SNED1: variants seen among roughly 807,000 people sequenced by gnomAD.
SNED1 encodes sushi, nidogen and EGF-like domain-containing protein 1.
A neutral mutation model predicts 166.7 loss-of-function variants in SNED1; 81 were observed. The observed-to-expected ratio is 0.49, with a 90% CI of 0.41 to 0.58. SNED1 has a LOEUF of 0.58. Among genes scored for constraint, SNED1 ranks in the 20% least tolerant of loss-of-function variants. The pLI, the probability that SNED1 is intolerant of heterozygous loss-of-function variation, is 0.00. For synonymous variants in SNED1, 762 were observed against 822.0 expected, an observed-to-expected ratio of 0.93 and a Z score of 1.25; for missense variants, 1,604 against 2,000.2, an observed-to-expected ratio of 0.80 and a Z score of 3.78.
At chr2:241,079,841 A>G (rs1042004411) in intron 27 of SNED1, among the ~76,000 whole-genome samples, 10 of 152,354 alleles carry the variant, frequency 6.6e-5, no homozygotes, top group African/African-American at 2.4e-4. Flanking sequence ...ATGTTAGGCT[A>G]TACTCAGTGA....
intron 27 of SNED1, among the ~76,000 whole-genome samples, chr2:241,077,852 T>C (rs1466416467): frequency 3.3e-5 from 5 of 152,070 alleles, no homozygotes; most frequent in African/African-American, 1.2e-4. Flanking sequence ...CGTGGAGAGA[T>C]CAGAACCCTC....
chr2:241,033,910 C>T (rs758402813), intron 3 of SNED1, 35 bp downstream of exon 3: 1 of 1,557,896 alleles, frequency 6.4e-7, no homozygotes, highest in East Asian at 2.4e-5. Flanking sequence ...GTGTTCAGAA[C>T]CCCTGCTCCC....
At position 241,030,454 on chromosome 2, in the gene SNED1, C is replaced by T; in HGVS notation, c.384C>T (p.Arg128=). Reference sequence around the variant, plus strand: ...AGGCCACCGACCCAGCCATGCTGCGCCGAGCCACGGAGGACGTCAGGCACT... The same window carrying T: ...AGGCCACCGACCCAGCCATGCTGCGTCGAGCCACGGAGGACGTCAGGCACT... ...YREATDPAML[R]RATEDVRHYF... The change falls in exon 2 of 32, where the codon CGC becomes CGT. Residue 128 remains arginine, a synonymous_variant. Transcript: ENST00000310397. 6.2e-7 allele frequency: 1 copy of T among 1,613,794 alleles called. No individual in the cohort carries two copies. The highest frequency in any genetic ancestry group is 1.1e-5 in the South Asian group (1 of 91,062).
intron 8 of SNED1, among the ~76,000 whole-genome samples, chr2:241,044,461 C>T (rs1340892446): frequency 1.3e-5 from 2 of 152,212 alleles, no homozygotes; most frequent in Non-Finnish European, 2.9e-5. Flanking sequence ...TGTCAGAGGA[C>T]TCTGAAAAGT....
chr2:241,087,570 G>A (rs1311900676), intron 30 of SNED1, 95 bp downstream of exon 30: 17 of 1,470,924 alleles, frequency 1.2e-5, no homozygotes, highest in Non-Finnish European at 1.5e-5. Context: ...CAGGCCTGTG[G>A]GCTGAGCCAG....
chr2:241,025,353 A>G (rs1183497054), intron 1 of SNED1, among the ~76,000 whole-genome samples: 1 of 152,142 alleles, frequency 6.6e-6, no homozygotes, highest in Non-Finnish European at 1.5e-5. Context: ...CCTGCTACCA[A>G]AAAGGTTGGG....
At chr2:241,050,609 G>C (rs1379401733) in intron 12 of SNED1, among the ~76,000 whole-genome samples, 1 of 152,198 alleles carries the variant, frequency 6.6e-6, no homozygotes, top group South Asian at 2.1e-4. Flanking sequence ...TGAAGTCTGA[G>C]CCCTGGACCC....
intron 5 of SNED1, 77 bp from the exon 6 acceptor site, chr2:241,037,163 G>A (rs1028898426): frequency 2.7e-5 from 35 of 1,296,460 alleles, no homozygotes; most frequent in East Asian, 1.0e-4. Context: ...CTCCGTCCCC[G>A]GCCCAACCCG....
intron 1 of SNED1, among the ~76,000 whole-genome samples, chr2:241,025,314 T>C (rs1209049591): frequency 6.6e-6 from 1 of 152,114 alleles, no homozygotes; most frequent in Non-Finnish European, 1.5e-5. Flanking sequence ...CCCCAGTCCA[T>C]GGAAAAATTG....
chr2:241,064,027 A>C lies in SNED1; in HGVS notation c.2501A>C (p.Asp834Ala), dbSNP rs2125186778. 6.5e-7 allele frequency: 1 copy of C among 1,548,166 alleles called. No homozygotes were observed. The change falls in exon 19 of 32, where the codon GAC becomes GCC. Residue 834 changes from aspartate to alanine, a missense_variant. Physicochemically the swap from Asp to Ala is moderately radical, Grantham distance 126 (BLOSUM62 -2). Transcript: ENST00000310397. This position sits in a 1 kb window ranked among gnomAD's most constrained non-coding sequence, Gnocchi z 7.0. ...VHCETEVDACDSSPCQHGGRC... is the reference protein window; with the variant it reads ...VHCETEVDACASSPCQHGGRC... Reference sequence around the variant, plus strand: ...TGTTCTCCAGAGGTGGACGCCTGCGACTCCAGCCCCTGCCAGCATGGAGGC... The same window carrying C: ...TGTTCTCCAGAGGTGGACGCCTGCGCCTCCAGCCCCTGCCAGCATGGAGGC...
intron 31 of SNED1, chr2:241,090,599 C>A: frequency 1.0e-6 from 1 of 977,300 alleles, no homozygotes; most frequent in Non-Finnish European, 1.4e-6. Context: ...TCACCACAAA[C>A]ACAAAAAGAA....
chr2:241,049,527 G>A (rs1434404286), intron 11 of SNED1, among the ~76,000 whole-genome samples: 1 of 152,240 alleles, frequency 6.6e-6, no homozygotes, highest in African/African-American at 2.4e-5. Flanking sequence ...ATAGAATAAT[G>A]ATGTGATGCT....
intron 1 of SNED1, among the ~76,000 whole-genome samples, chr2:241,006,127 G>C (rs997295413): frequency 6.6e-6 from 1 of 151,800 alleles, no homozygotes; most frequent in Admixed American, 6.6e-5. Flanking sequence ...TATTTCTATT[G>C]TTATGTTTTC....
intron 6 of SNED1, among the ~76,000 whole-genome samples, chr2:241,037,744 G>A (rs1235253480): frequency 1.3e-5 from 2 of 152,222 alleles, no homozygotes; most frequent in East Asian, 1.9e-4. Context: ...TGAGGGGAAC[G>A]TGAAGTGCTT....
chr2:241,025,559 T>C (rs188044136), intron 1 of SNED1, among the ~76,000 whole-genome samples: 1 of 152,362 alleles, frequency 6.6e-6, no homozygotes, highest in East Asian at 1.9e-4. Flanking sequence ...TAAGGCAATA[T>C]ATATTATTTC....
intron 1 of SNED1, among the ~76,000 whole-genome samples, chr2:241,025,993 CTTTG>C (rs1020515806): frequency 7.4e-5 from 8 of 108,372 alleles, no homozygotes; most frequent in African/African-American, 1.7e-4. Context: ...GTTGATGTGG[CTTTG>C]TTTTTCTTTT....
chr2:241,016,850 CTTTT>C lies in SNED1; in HGVS notation c.214-13419_214-13416del, dbSNP rs5839783. Among the ~76,000 whole-genome samples the C allele has an allele frequency of 1.0e-4, 13 of 125,792 alleles. No homozygotes were observed. The South Asian group carries it at 2.5e-3, about 24-fold the overall frequency. The allele number at this position is 125,792 out of a possible 152,430, so 82.5% of individuals were successfully genotyped here. ...TGATAAGTTGCATTTTTCTTTCTTTCTTTTTTTTTTTTTTTTTTGAGACGGAGGT... is the reference window on the plus strand; with the variant it reads ...TGATAAGTTGCATTTTTCTTTCTTTCTTTTTTTTTTTTTTGAGACGGAGGT... On this transcript the variant is annotated intron_variant, in intron 1 of 31. Transcript: ENST00000310397.
chr2:241,062,739 A>C lies in SNED1; in HGVS notation c.2258-52A>C, dbSNP rs566528824. 381 of 1,235,190 alleles carry C rather than the reference A, an allele frequency of 3.1e-4. 4 individuals are homozygous for C. In the South Asian group the frequency reaches 4.8e-3, roughly 16 times the overall value. 76.5% of individuals were successfully genotyped at this position (1,235,190 alleles called of 1,614,324 possible). On this transcript the variant is annotated intron_variant, in intron 16 of 31. Transcript: ENST00000310397. The stretch of plus-strand genomic sequence containing the variant: ...TCAGGACTAGTTTATGTGCATCTTA[A>C]TTTGGCTTAATCGTGGCCACATTGC...
chr2:241,049,344 A>G (rs1248948834), intron 11 of SNED1, among the ~76,000 whole-genome samples: 1 of 152,234 alleles, frequency 6.6e-6, no homozygotes, highest in East Asian at 1.9e-4. Context: ...CACAGGGGGA[A>G]AAGCACTTCT....
Sources: allele counts gnomAD v4.1 joint callset (sites outside exome capture counted in the v4.1 genomes callset), GRCh38; gene constraint gnomAD v4.1.1; non-coding constraint Gnocchi (gnomAD v3.1); transcripts MANE v1.5; gene names NCBI Gene and HGNC (gene_info 2026-07-23, HGNC 2026-07-21).